LRRIQ3: variants seen among roughly 807,000 people sequenced by gnomAD.
The protein encoded by LRRIQ3 is leucine-rich repeat and IQ domain-containing protein 3.
In LRRIQ3, 75 loss-of-function variants were observed where a neutral mutation model predicts 59.3. That is an observed-to-expected ratio of 1.26 (90% confidence interval 1.05 to 1.53). The LOEUF (loss-of-function observed/expected upper bound fraction) is 1.53, where lower values mean the gene tolerates loss of function less well. LRRIQ3 is among the 40% of genes most tolerant of loss of function. LRRIQ3 has a pLI of 0.00. For missense variants in LRRIQ3, 831 were observed against 710.0 expected, an observed-to-expected ratio of 1.17 and a Z score of -1.94; for synonymous variants, 250 against 231.3, an observed-to-expected ratio of 1.08 and a Z score of -0.73.
rs1653522261 is a variant in LRRIQ3, at chr1:74,026,570, C to T, written c.*243G>A. The stretch of plus-strand genomic sequence containing the variant: ...CAACATTGTCTGCAATACATTAAAT[C>T]AGTTTAATTGTTCCTTAGGCATCTG... On this transcript the variant is annotated 3_prime_UTR_variant, in exon 8 of 8. Transcript: ENST00000354431. The T allele has an allele frequency of 3.1e-6, 1 of 324,182 alleles. No individual in the cohort carries two copies. Among genetic ancestry groups the T allele is most frequent in the East Asian group, 6.4e-5 (1 of 15,542 alleles). The allele number at this position is 324,182 out of a possible 1,614,324, so 20.1% of individuals were successfully genotyped here.
At chr1:74,031,203 G>C (rs941128047) in intron 7 of LRRIQ3, among the ~76,000 whole-genome samples, 14 of 152,272 alleles carry the variant, frequency 9.2e-5, no homozygotes, top group Admixed American at 7.8e-4. Context: ...AGACAGTGTG[G>C]CAATTCCTCA....
chr1:74,181,029 T>C (rs1311628778), intron 3 of LRRIQ3: 2 of 473,730 alleles, frequency 4.2e-6, no homozygotes, highest in Non-Finnish European at 7.6e-6. Context: ...AAGAATTTTG[T>C]CAGTATTATT....
chr1:74,164,413 A>G (rs186447097), intron 3 of LRRIQ3, among the ~76,000 whole-genome samples: 1 of 151,538 alleles, frequency 6.6e-6, no homozygotes, highest in African/African-American at 2.4e-5. Flanking sequence ...GACAGGGAGA[A>G]GAAGAGCATC....
At position 74,155,023 on chromosome 1, in the gene LRRIQ3, T is replaced by G. The variant is rs1648236880; in HGVS notation, c.707+710A>C. Among the ~76,000 whole-genome samples, 3 of 152,328 alleles carry G rather than the reference T, an allele frequency of 2.0e-5. No individual in the cohort carries two copies. The South Asian group carries it at 6.2e-4, about 32-fold the overall frequency. ...ATTGTGTCTATCTTACCACAGAATG[T>G]TGAATCTCATTTCAGTGAAACTTCC... On this transcript the variant is annotated intron_variant, in intron 4 of 7. Transcript: ENST00000354431.
At chr1:74,160,764 T>C (rs1028894657) in intron 3 of LRRIQ3, among the ~76,000 whole-genome samples, 1 of 152,090 alleles carries the variant, frequency 6.6e-6, no homozygotes, top group African/African-American at 2.4e-5. Context: ...TCCTATCATA[T>C]ACCATTTGAT....
intron 3 of LRRIQ3, among the ~76,000 whole-genome samples, chr1:74,164,920 C>CA (rs1648884213): frequency 1.3e-5 from 2 of 151,566 alleles, no homozygotes; most frequent in Non-Finnish European, 3.0e-5. Context: ...ATTGAAAAGA[C>CA]TTTTTTACTT....
intron 7 of LRRIQ3, among the ~76,000 whole-genome samples, chr1:74,029,570 A>C (rs1362765542): frequency 6.6e-6 from 1 of 151,932 alleles, no homozygotes; most frequent in African/African-American, 2.4e-5. Context: ...GGTGGATAAG[A>C]TTTTTGATCT....
chr1:74,083,151 G>A (rs1231019571), intron 5 of LRRIQ3: 1 of 151,536 alleles, frequency 6.6e-6, no homozygotes, highest in Non-Finnish European at 1.5e-5. Flanking sequence ...TATCTCCTGA[G>A]GCTCAGTCTC....
At chr1:74,109,224 T>C in intron 5 of LRRIQ3, 170 bp downstream of exon 5, 2 of 573,994 alleles carry the variant, frequency 3.5e-6, no homozygotes, top group African/African-American at 1.9e-5. Flanking sequence ...AAAAATATAT[T>C]TGTATTACAT....
At chr1:74,059,110 T>TGTTAC (rs1308703252) in intron 6 of LRRIQ3, among the ~76,000 whole-genome samples, 2 of 151,736 alleles carry the variant, frequency 1.3e-5, no homozygotes, top group Non-Finnish European at 2.9e-5. Context: ...ATAGCAGATA[T>TGTTAC]GTTATTTGCA....
At chr1:74,053,554 G>A (rs571471590) in intron 6 of LRRIQ3, among the ~76,000 whole-genome samples, 31 of 152,210 alleles carry the variant, frequency 2.0e-4, no homozygotes, top group Non-Finnish European at 3.4e-4. Flanking sequence ...GGGGCTGGGT[G>A]CACTGACTCA....
intron 4 of LRRIQ3, among the ~76,000 whole-genome samples, chr1:74,136,889 T>C (rs1309074229): frequency 6.6e-6 from 1 of 152,004 alleles, no homozygotes; most frequent in Non-Finnish European, 1.5e-5. Flanking sequence ...TAGAAAACTT[T>C]TAGAGTCTTA....
intron 2 of LRRIQ3, 86 bp from the exon 3 acceptor site, chr1:74,182,947 T>C: frequency 1.5e-6 from 1 of 682,144 alleles, no homozygotes; most frequent in Non-Finnish European, 2.3e-6. Context: ...ACATATAAAA[T>C]TCAATATTCC....
At chr1:74,186,062 T>G (rs566311502) in intron 1 of LRRIQ3, among the ~76,000 whole-genome samples, 4 of 148,826 alleles carry the variant, frequency 2.7e-5, no homozygotes, top group Admixed American at 6.7e-5. Flanking sequence ...TATATATAAT[T>G]ATATTTAATA....
chr1:74,197,588 A>C (rs1340077016), intron 1 of LRRIQ3, among the ~76,000 whole-genome samples: 1 of 152,186 alleles, frequency 6.6e-6, no homozygotes, highest in Non-Finnish European at 1.5e-5. Flanking sequence ...AAACCAAAAT[A>C]CCAAAAATAT....
At chr1:74,029,408 C>T (rs893293360) in intron 7 of LRRIQ3, among the ~76,000 whole-genome samples, 7 of 151,890 alleles carry the variant, frequency 4.6e-5, no homozygotes, top group African/African-American at 1.5e-4. Flanking sequence ...TTAGCATGAA[C>T]AGCTCTTGAA....
chr1:74,088,607 T>C (rs1646357514), intron 5 of LRRIQ3, among the ~76,000 whole-genome samples: 1 of 151,918 alleles, frequency 6.6e-6, no homozygotes, highest in Admixed American at 6.6e-5. Context: ...GTGGGACAAG[T>C]GGATATCTAT....
At chr1:74,081,733 C>T (rs906669927) in intron 5 of LRRIQ3, among the ~76,000 whole-genome samples, 4 of 150,760 alleles carry the variant, frequency 2.7e-5, no homozygotes, top group Non-Finnish European at 4.4e-5. Flanking sequence ...TTTTCTAGTA[C>T]GTGGATTACA....
rs879546770 is a variant in LRRIQ3 at position 74,155,744 on chromosome 1, T to C, written c.696A>G (p.Arg232=). 23 of 1,570,056 alleles carry C rather than the reference T, an allele frequency of 1.5e-5. 1 individual carries two copies. The Admixed American group carries it at 3.2e-4, about 22-fold the overall frequency. Residue 232 remains arginine, a synonymous_variant, in exon 4 of 8, where the codon AGA becomes AGG. Transcript: ENST00000354431. ...VQRWIRGFLV[R]KNLSPVFFHK... ...AAAACAAAACATACCTCAAATTTTT[T>C]CTAACTAAGAAACCACGTATCCATC... is the stretch of plus-strand genomic sequence containing the variant.
Sources: allele counts gnomAD v4.1 joint callset (sites outside exome capture counted in the v4.1 genomes callset), GRCh38; gene constraint gnomAD v4.1.1; transcripts MANE v1.5; gene names NCBI Gene and HGNC (gene_info 2026-07-23, HGNC 2026-07-21).